The following ANKRD33B variants were observed in gnomAD, a reference collection of about 807,000 sequenced individuals.
The protein encoded by ANKRD33B is ankyrin repeat domain 33B, also known as ankyrin repeat domain-containing protein 33B.
Under a neutral mutation model 21.5 loss-of-function variants are expected in ANKRD33B, and 6 were observed. The observed-to-expected ratio is 0.28, with a 90% CI of 0.15 to 0.55. The LOEUF is 0.55. ANKRD33B is among the 20% of genes least tolerant of loss of function. The pLI, the probability that ANKRD33B is intolerant of heterozygous loss-of-function variation, is 0.94. For synonymous variants in ANKRD33B, 347 were observed against 342.4 expected (o/e 1.01, Z -0.15); for missense variants, 698 against 747.2 (o/e 0.93, Z 0.77).
intron 2 of ANKRD33B, among the ~76,000 whole-genome samples, chr5:10,627,015 G>A (rs1269206022): frequency 6.6e-6 from 1 of 152,336 alleles, no homozygotes; most frequent in South Asian, 2.1e-4. Flanking sequence ...TTATGAGTAC[G>A]AATTCGGATG....
chr5:10,617,034 G>A (rs185661828), intron 1 of ANKRD33B, among the ~76,000 whole-genome samples: 126 of 152,298 alleles, frequency 8.3e-4, no homozygotes, highest in African/African-American at 3.0e-3. Flanking sequence ...CTTACATGGA[G>A]GAAAAAGGCA....
At chr5:10,612,146 A>G (rs1736184302) in intron 1 of ANKRD33B, among the ~76,000 whole-genome samples, 1 of 152,250 alleles carries the variant, frequency 6.6e-6, no homozygotes, top group South Asian at 2.1e-4. Context: ...TGTATGAAGT[A>G]TCCTTCCCTT....
chr5:10,600,002 T>A (rs77032316), intron 1 of ANKRD33B, among the ~76,000 whole-genome samples: 3 of 152,246 alleles, frequency 2.0e-5, no homozygotes, highest in Non-Finnish European at 4.4e-5. Context: ...ACACTTGTTA[T>A]TTTTTTATAT....
chr5:10,564,662 G>A lies in ANKRD33B; in HGVS notation c.195G>A (p.Glu65=), dbSNP rs539643241. 89 of 1,534,924 alleles carry A rather than the reference G, an allele frequency of 5.8e-5. No individual in the cohort carries two copies. The East Asian group carries it at 7.6e-4, about 13-fold the overall frequency. ...DDSFYPFEDE[E]EHGVESAESV... is the part of the protein sequence containing the mutation. ...CTTTCTACCCTTTCGAGGACGAGGA[G>A]GAGCACGGCGTCGAGAGCGCGGAGA... Residue 65 remains glutamate, a synonymous_variant, in exon 1 of 4, where the codon GAG becomes GAA. Transcript: ENST00000296657.
chr5:10,579,786 T>A (rs6865214), intron 1 of ANKRD33B, among the ~76,000 whole-genome samples: 136,574 of 152,156 alleles, frequency 0.9, 61,310 homozygotes, highest in Middle Eastern at 0.96. Context: ...AGGAAGCAAT[T>A]TGAAAGTGAA....
At position 10,653,729 on chromosome 5, in the gene ANKRD33B, C is replaced by T. The variant is rs1371519917; in HGVS notation, c.*3616C>T. The T allele has an allele frequency of 6.6e-5, 10 of 152,440 alleles. No individual in the cohort carries two copies. The highest frequency in any genetic ancestry group is 4.4e-5 in the Non-Finnish European group (3 of 68,112). 9.4% of individuals were successfully genotyped at this position (152,440 alleles called of 1,614,324 possible). On this transcript the variant is annotated 3_prime_UTR_variant, in exon 4 of 4. Transcript: ENST00000296657. ...AGGTGCAGGCTTCTTGTCCCATCCC[C>T]ACTCAGTATCATCGGGTATCTGGTA...
intron 2 of ANKRD33B, among the ~76,000 whole-genome samples, chr5:10,633,025 T>G (rs1437309407): frequency 6.6e-6 from 1 of 151,566 alleles, no homozygotes; most frequent in African/African-American, 2.4e-5. Flanking sequence ...TGACCTCAGG[T>G]GATCCACCCC....
At position 10,642,770 on chromosome 5, in the gene ANKRD33B, A is replaced by G. The variant is rs367612485; in HGVS notation, c.637+4602A>G. Among the ~76,000 whole-genome samples, 57 of 152,312 alleles carry G rather than the reference A, an allele frequency of 3.7e-4. 1 individual carries two copies. Among genetic ancestry groups the G allele is most frequent in the African/African-American group, 1.4e-3 (57 of 41,566 alleles). On this transcript the variant is annotated intron_variant, in intron 3 of 3. Transcript: ENST00000296657. ...ATAGTTATCTGTTAAGTGAATGAAA[A>G]AATACGGTTTGTTTTTCCCTTTGAG...
At chr5:10,608,672 A>C (rs553542380) in intron 1 of ANKRD33B, among the ~76,000 whole-genome samples, 1 of 152,156 alleles carries the variant, frequency 6.6e-6, no homozygotes, top group East Asian at 1.9e-4. Context: ...GAAAAAAAAA[A>C]AAACTTGAAA....
In ANKRD33B at chr5:10,642,004, A is replaced by G. The variant is rs553709675; in HGVS notation, c.637+3836A>G. Among the ~76,000 whole-genome samples the G allele has an allele frequency of 5.3e-5, 8 of 152,236 alleles. No individual in the cohort carries two copies. The East Asian group carries it at 5.8e-4, about 11-fold the overall frequency. Reference sequence around the variant, plus strand: ...GGCGGGAGCTTCAGACACTTTTACTATTTCTGGATCTAGTTATAATTGGGC... The same window carrying G: ...GGCGGGAGCTTCAGACACTTTTACTGTTTCTGGATCTAGTTATAATTGGGC... On this transcript the variant is annotated intron_variant, in intron 3 of 3. Coordinates refer to ENST00000296657, the MANE Select transcript of ANKRD33B (RefSeq NM_001164440.2).
At chr5:10,590,604 GC>G (rs1735662731) in intron 1 of ANKRD33B, among the ~76,000 whole-genome samples, 1 of 101,478 alleles carries the variant, frequency 9.9e-6, no homozygotes, top group Admixed American at 8.5e-5. Flanking sequence ...GCGCGCGCGC[GC>G]GCGTGTGTGT....
intron 1 of ANKRD33B, among the ~76,000 whole-genome samples, chr5:10,596,014 G>C (rs1418835496): frequency 2.6e-5 from 4 of 152,156 alleles, no homozygotes; most frequent in African/African-American, 9.7e-5. Flanking sequence ...ATCATGTTTC[G>C]CCTATGCCTG....
chr5:10,597,074 C>T (rs1735834393), intron 1 of ANKRD33B, among the ~76,000 whole-genome samples: 1 of 152,234 alleles, frequency 6.6e-6, no homozygotes, highest in East Asian at 1.9e-4. Context: ...GAAAAAAACA[C>T]TCCCAGCCAC....
In ANKRD33B at chr5:10,634,465, C is replaced by CT. The variant is rs1162256286; in HGVS notation, c.497-3551dup. Among the ~76,000 whole-genome samples the CT allele has an allele frequency of 3.0e-3, 430 of 143,196 alleles. 5 individuals are homozygous for CT. The highest frequency in any genetic ancestry group is 6.5e-3 in the African/African-American group (253 of 38,896). 93.9% of individuals were successfully genotyped at this position (143,196 alleles called of 152,430 possible). ...GACTGGGCTCAAACTAGATTTTTTT[C>CT]TTTTTTTTTTTTGAGACAGGGTCTC... On this transcript the variant is annotated intron_variant, in intron 2 of 3. Transcript: ENST00000296657.
In ANKRD33B at chr5:10,614,875, A is replaced by G. The variant is rs185953577; in HGVS notation, c.367-3458A>G. Among the ~76,000 whole-genome samples the G allele has an allele frequency of 8.5e-4, 128 of 151,322 alleles. 1 individual carries two copies. The South Asian group carries it at 0.014, about 16-fold the overall frequency. Reference sequence around the variant, plus strand: ...GCATTCCAGCCTGGGCAACAGAGCAAAACTCCATCTCAAAAAACAAAAAAA... The same window carrying G: ...GCATTCCAGCCTGGGCAACAGAGCAGAACTCCATCTCAAAAAACAAAAAAA... On this transcript the variant is annotated intron_variant, in intron 1 of 3. Transcript: ENST00000296657.
intron 2 of ANKRD33B, among the ~76,000 whole-genome samples, chr5:10,625,964 T>C (rs1479791678): frequency 6.6e-6 from 1 of 151,888 alleles, no homozygotes; most frequent in Non-Finnish European, 1.5e-5. Context: ...GGAACCAACA[T>C]TGAAAGGATT....
At chr5:10,613,773 G>A (rs903301414) in intron 1 of ANKRD33B, among the ~76,000 whole-genome samples, 1 of 151,788 alleles carries the variant, frequency 6.6e-6, no homozygotes, top group Non-Finnish European at 1.5e-5. Context: ...GGTGGCATGC[G>A]CCTGTAGTCC....
chr5:10,651,463 A>G lies in ANKRD33B; in HGVS notation c.*1350A>G, dbSNP rs1737355428. 1 of 152,114 alleles carries G rather than the reference A, an allele frequency of 6.6e-6. No individual in the cohort carries two copies. Among genetic ancestry groups the G allele is most frequent in the African/African-American group, 2.4e-5 (1 of 41,362 alleles). 9.4% of individuals were successfully genotyped at this position (152,114 alleles called of 1,614,324 possible). Reference sequence around the variant, plus strand: ...GAATTTATCAAAGGGGGTTTTCTGCATAATTTTGTATTTGTAATCATTATC... The same window carrying G: ...GAATTTATCAAAGGGGGTTTTCTGCGTAATTTTGTATTTGTAATCATTATC... On this transcript the variant is annotated 3_prime_UTR_variant, in exon 4 of 4. Transcript: ENST00000296657.
chr5:10,568,042 T>A (rs1280590567), intron 1 of ANKRD33B, among the ~76,000 whole-genome samples: 2 of 152,196 alleles, frequency 1.3e-5, no homozygotes, highest in Admixed American at 1.3e-4. Flanking sequence ...TGACAGGCAT[T>A]CCATTTGGTC....
Sources: allele counts gnomAD v4.1 joint callset (sites outside exome capture counted in the v4.1 genomes callset), GRCh38; gene constraint gnomAD v4.1.1; transcripts MANE v1.5; gene names NCBI Gene and HGNC (gene_info 2026-07-23, HGNC 2026-07-21).